The following TMTC1 variants were observed in gnomAD, a reference collection of about 807,000 sequenced individuals.
TMTC1 encodes the protein transmembrane O-mannosyltransferase targeting cadherins 1, also known as protein O-mannosyl-transferase TMTC1.
In TMTC1, 73 loss-of-function variants were observed where a neutral mutation model predicts 104.8. The ratio of observed to expected loss-of-function variants is 0.70; its 90% confidence interval spans 0.58 to 0.85. The LOEUF (loss-of-function observed/expected upper bound fraction) is 0.85, where lower values mean the gene tolerates loss of function less well. TMTC1 is among the 40% of genes least tolerant of loss of function. The probability of loss-of-function intolerance (pLI) is 0.00; values close to 1 mark genes in which losing one functional copy is unlikely to be tolerated. For missense variants in TMTC1, 1,035 were observed against 1,096.1 expected, an observed-to-expected ratio of 0.94 and a Z score of 0.79; for synonymous variants, 434 against 428.7, an observed-to-expected ratio of 1.01 and a Z score of -0.15.
intron 10 of TMTC1, among the ~76,000 whole-genome samples, chr12:29,545,849 A>C (rs1944929280): frequency 6.6e-6 from 1 of 152,164 alleles, no homozygotes; most frequent in African/African-American, 2.4e-5. Flanking sequence ...TAATAGTTAA[A>C]GCTTATTTCA....
intron 5 of TMTC1, among the ~76,000 whole-genome samples, chr12:29,650,321 G>C (rs2136595554): frequency 6.6e-6 from 1 of 152,184 alleles, no homozygotes; most frequent in Admixed American, 6.5e-5. Flanking sequence ...CTGACCTCAA[G>C]TGATCTGCCC....
In TMTC1 at chr12:29,557,120, C is replaced by A. The variant is rs1945266508; in HGVS notation, c.1533-120G>T. On this transcript the variant is annotated intron_variant, in intron 9 of 17. Coordinates refer to ENST00000539277, the MANE Select transcript of TMTC1 (RefSeq NM_001193451.2). ...AATGAAACACTGAATTATTCTTGTA[C>A]TTGAATGGTTTGTGTCCAATCTTAC... 5.2e-6 allele frequency: 6 copies of A among 1,152,994 alleles called. No individual in the cohort carries two copies. In the Admixed American group the frequency reaches 7.6e-5, roughly 15 times the overall value. 71.4% of individuals were successfully genotyped at this position (1,152,994 alleles called of 1,614,324 possible). A position where few individuals can be genotyped will look rare whatever the true frequency, so the allele number is the denominator to read the frequency against.
At chr12:29,514,324 T>A (rs1389612504) in intron 16 of TMTC1, among the ~76,000 whole-genome samples, 158 bp downstream of exon 16, 1 of 152,050 alleles carries the variant, frequency 6.6e-6, no homozygotes. Context: ...TGATAAAAAA[T>A]AAACAAAACT....
chr12:29,602,299 A>G lies in TMTC1; in HGVS notation c.1250+1879T>C, dbSNP rs71453748. Among the ~76,000 whole-genome samples the G allele has an allele frequency of 4.2e-3, 645 of 152,158 alleles. 2 individuals carry two copies. The highest frequency in any genetic ancestry group is 5.9e-3 in the Non-Finnish European group (403 of 67,986). ...TGGGACCACAAGTGCATCCCACAACATCTGGCTAAGTTTTTGTTATTTTCT... is the reference window on the plus strand; with the variant it reads ...TGGGACCACAAGTGCATCCCACAACGTCTGGCTAAGTTTTTGTTATTTTCT... On this transcript the variant is annotated intron_variant, in intron 7 of 17. Coordinates refer to ENST00000539277, the MANE Select transcript of TMTC1 (RefSeq NM_001193451.2).
intron 6 of TMTC1, among the ~76,000 whole-genome samples, chr12:29,616,998 G>A (rs1001473168): frequency 6.6e-6 from 1 of 152,092 alleles, no homozygotes; most frequent in Admixed American, 6.5e-5. Flanking sequence ...GAACCAATGA[G>A]TGGTCAATTA....
intron 5 of TMTC1, among the ~76,000 whole-genome samples, chr12:29,699,734 C>T (rs530880207): frequency 6.8e-6 from 1 of 146,232 alleles, no homozygotes; most frequent in East Asian, 2.1e-4. Context: ...CTTGCTGCAG[C>T]ATCGACCTCC....
intron 4 of TMTC1, among the ~76,000 whole-genome samples, chr12:29,754,568 C>T (rs931040811): frequency 6.6e-6 from 1 of 152,070 alleles, no homozygotes; most frequent in African/African-American, 2.4e-5. Context: ...AGGTTGTTCC[C>T]TAAAAAGTAA....
chr12:29,779,732 C>A (rs1002183618), intron 1 of TMTC1, among the ~76,000 whole-genome samples: 2 of 151,904 alleles, frequency 1.3e-5, no homozygotes, highest in Non-Finnish European at 2.9e-5. Flanking sequence ...GTGAGGAGGA[C>A]AAAAAGACAA....
chr12:29,602,419 G>A (rs1946592412), intron 7 of TMTC1, among the ~76,000 whole-genome samples: 1 of 152,190 alleles, frequency 6.6e-6, no homozygotes, highest in Admixed American at 6.5e-5. Context: ...GCTGGGGCAT[G>A]AGCCACTGCA....
In TMTC1 at chr12:29,775,978, C is replaced by T. The variant is rs112812656; in HGVS notation, c.302+7472G>A. 1.4e-3 allele frequency among the ~76,000 whole-genome samples: 211 copies of T among 152,196 alleles called. 2 individuals are homozygous for T. The highest frequency in any genetic ancestry group is 5.0e-3 in the African/African-American group (206 of 41,520). On this transcript the variant is annotated intron_variant, in intron 1 of 17. Transcript: ENST00000539277. ...TTCCAAGGGATCAGAAGTTTCCTCCCAAGAATCCAGCACGAAGACCAGAAA... is the reference window on the plus strand; with the variant it reads ...TTCCAAGGGATCAGAAGTTTCCTCCTAAGAATCCAGCACGAAGACCAGAAA...
chr12:29,687,968 G>C (rs964832394), intron 5 of TMTC1, among the ~76,000 whole-genome samples: 35 of 152,172 alleles, frequency 2.3e-4, no homozygotes, highest in African/African-American at 8.0e-4. Flanking sequence ...AGTTACATTG[G>C]AGGTCAGGGT....
intron 7 of TMTC1, among the ~76,000 whole-genome samples, chr12:29,585,359 G>A (rs1300983538): frequency 6.6e-6 from 1 of 152,138 alleles, no homozygotes; most frequent in Non-Finnish European, 1.5e-5. Flanking sequence ...CAGATGAGTA[G>A]GTTGCAAAAA....
chr12:29,520,298 G>A (rs1265103667), intron 12 of TMTC1, among the ~76,000 whole-genome samples: 1 of 152,138 alleles, frequency 6.6e-6, no homozygotes, highest in Non-Finnish European at 1.5e-5. Context: ...CATCATTGTA[G>A]AGAAACATTT....
intron 12 of TMTC1, among the ~76,000 whole-genome samples, chr12:29,519,973 C>G (rs1417448597): frequency 1.3e-5 from 2 of 152,204 alleles, no homozygotes; most frequent in Admixed American, 6.5e-5. Flanking sequence ...TAGTAATCAA[C>G]AAGAACAAAG....
intron 4 of TMTC1, among the ~76,000 whole-genome samples, chr12:29,754,465 G>A (rs1278078278): frequency 1.3e-5 from 2 of 152,186 alleles, no homozygotes; most frequent in East Asian, 1.9e-4. Flanking sequence ...GCAGTCAGCT[G>A]TCTTATCTTT....
chr12:29,566,661 C>T (rs1201006437), intron 9 of TMTC1, among the ~76,000 whole-genome samples: 3 of 152,102 alleles, frequency 2.0e-5, no homozygotes, highest in Admixed American at 6.5e-5. Flanking sequence ...GGACAGTGGA[C>T]GTGGAGGGAG....
intron 5 of TMTC1, among the ~76,000 whole-genome samples, chr12:29,742,040 C>T (rs79598393): frequency 0.031 from 4,674 of 152,072 alleles, 105 homozygotes; most frequent in Middle Eastern, 0.068. Context: ...AATCACACTC[C>T]TTTCATAGTC....
intron 10 of TMTC1, among the ~76,000 whole-genome samples, chr12:29,543,433 G>A (rs1478971411): frequency 6.6e-6 from 1 of 152,190 alleles, no homozygotes; most frequent in Non-Finnish European, 1.5e-5. Flanking sequence ...CATTTGGGGA[G>A]AACGTAGGAA....
intron 5 of TMTC1, among the ~76,000 whole-genome samples, chr12:29,732,532 G>A (rs764031695): frequency 6.6e-6 from 1 of 152,304 alleles, no homozygotes; most frequent in South Asian, 2.1e-4. Context: ...AAATCCCATT[G>A]TAGACCTGGT....
Sources: allele counts gnomAD v4.1 joint callset (sites outside exome capture counted in the v4.1 genomes callset), GRCh38; gene constraint gnomAD v4.1.1; transcripts MANE v1.5; gene names NCBI Gene and HGNC (gene_info 2026-07-23, HGNC 2026-07-21).